Variants in NOP58 observed in about 807,000 individuals in gnomAD.
NOP58 encodes the protein NOP58 ribonucleoprotein.
NOP58 carries 44 observed loss-of-function variants against 71.2 expected under a neutral mutation model. That is an observed-to-expected ratio of 0.62 (90% CI 0.49 to 0.79). The LOEUF (loss-of-function observed/expected upper bound fraction) is 0.79, where lower values mean the gene tolerates loss of function less well. Ranked by LOEUF, NOP58 falls within the 30% of genes least tolerant of loss-of-function variation. NOP58 has a pLI of 0.00. For missense variants in NOP58, 538 were observed against 620.2 expected, an observed-to-expected ratio of 0.87 and a Z score of 1.41; for synonymous variants, 228 against 200.3, an observed-to-expected ratio of 1.14 and a Z score of -1.17.
In NOP58 at chr2:202,281,637, G is replaced by A. The variant is rs74994327; in HGVS notation, c.176-714G>A. ...GTATTTTTAGTAGAGACAGGGTTTC[G>A]CCGTGTTGGCCAGGCTGGTGGTACA... On this transcript the variant is annotated intron_variant, in intron 3 of 14. Transcript: ENST00000264279. 1.2e-3 allele frequency among the ~76,000 whole-genome samples: 187 copies of A among 152,194 alleles called. 2 individuals are homozygous for A. The East Asian group carries it at 0.028, about 23-fold the overall frequency.
intron 6 of NOP58, 79 bp from the exon 7 acceptor site, chr2:202,290,244 G>A (rs2105849952): frequency 6.6e-6 from 8 of 1,207,818 alleles, no homozygotes; most frequent in Non-Finnish European, 9.2e-6. Flanking sequence ...CCAGCCTGAA[G>A]TGTTAAATTT....
At chr2:202,284,570 T>G (rs1368708223) in intron 5 of NOP58, 89 bp downstream of exon 5, 19 of 1,348,448 alleles carry the variant, frequency 1.4e-5, no homozygotes, top group Admixed American at 2.0e-5. Flanking sequence ...AAATGCTCAT[T>G]TGAACCACAT....
chr2:202,297,773 C>A, intron 11 of NOP58, 72 bp from the exon 12 acceptor site: 2 of 949,360 alleles, frequency 2.1e-6, no homozygotes, highest in Non-Finnish European at 1.6e-6. Context: ...CACTGATTCA[C>A]TAGACTGTAT....
chr2:202,293,871 G>A (rs1054231844), intron 9 of NOP58, among the ~76,000 whole-genome samples: 4 of 151,514 alleles, frequency 2.6e-5, no homozygotes, highest in Non-Finnish European at 5.9e-5. Context: ...CACTGCGCCC[G>A]GCCTGGCGTA....
intron 1 of NOP58, among the ~76,000 whole-genome samples, chr2:202,273,922 A>G (rs138758738): frequency 0.1 from 15,359 of 151,202 alleles, 946 homozygotes; most frequent in South Asian, 0.23. Context: ...CAGCCTGGCG[A>G]CAGAGTGAGA....
intron 1 of NOP58, among the ~76,000 whole-genome samples, chr2:202,272,400 C>T (rs187225997): frequency 6.6e-6 from 1 of 151,992 alleles, no homozygotes; most frequent in African/African-American, 2.4e-5. Context: ...GTGATTCGCC[C>T]GCCTCAGCCT....
intron 12 of NOP58, 89 bp from the exon 13 acceptor site, chr2:202,300,145 T>G: frequency 9.0e-7 from 1 of 1,115,932 alleles, no homozygotes; most frequent in Non-Finnish European, 1.3e-6. Context: ...TATGTAAGTA[T>G]TATCTAATGG....
At chr2:202,299,108 C>T (rs1474685016) in intron 12 of NOP58, among the ~76,000 whole-genome samples, 1 of 151,850 alleles carries the variant, frequency 6.6e-6, no homozygotes, top group Non-Finnish European at 1.5e-5. Flanking sequence ...TACAGGCATA[C>T]ACCACCACAT....
At chr2:202,294,131 A>T (rs1487190406) in intron 9 of NOP58, among the ~76,000 whole-genome samples, 2 of 151,800 alleles carry the variant, frequency 1.3e-5, no homozygotes, top group African/African-American at 4.8e-5. Context: ...CCTGGCCAAC[A>T]TGGTAAATAA....
rs745811674 is a variant in NOP58 at position 202,297,906 on chromosome 2, G to A, written c.1268G>A (p.Ser423Asn). ...LAKTEKYEHK[S>N]EVKTYDPSGD... ...AAAACAGAAAAATATGAACACAAAA[G>A]GTGAGTACATTTAAGTGAGGATGGG... Residue 423 changes from serine to asparagine, a missense_variant and splice_region_variant, in exon 12 of 15, where the codon AGT becomes AAT. Ser to Asn is a conservative substitution (Grantham distance 46). Coordinates refer to ENST00000264279, the MANE Select transcript of NOP58 (RefSeq NM_015934.5). The A allele has an allele frequency of 2.6e-6, 4 of 1,567,888 alleles. No homozygotes were observed. The South Asian group carries it at 3.5e-5, about 14-fold the overall frequency.
chr2:202,284,153 T>A (rs1293605955), intron 4 of NOP58, among the ~76,000 whole-genome samples, 192 bp from the exon 5 acceptor site: 1 of 152,026 alleles, frequency 6.6e-6, no homozygotes, highest in Admixed American at 6.6e-5. Flanking sequence ...TGGTGGCTCA[T>A]GCCTGCAATA....
rs1041027680 is a variant in NOP58 at position 202,284,174 on chromosome 2, G to A, written c.298-171G>A. On this transcript the variant is annotated intron_variant, in intron 4 of 14. Transcript: ENST00000264279. ...CTCATGCCTGCAATAATCCCAGGCC[G>A]AGACAGGAGAATCTCTTGAACCCAG... 2.2e-4 allele frequency among the ~76,000 whole-genome samples: 33 copies of A among 152,188 alleles called. No individual in the cohort carries two copies. In the South Asian group the frequency reaches 2.7e-3, roughly 12 times the overall value.
chr2:202,276,432 T>A (rs781270152), intron 2 of NOP58: 2 of 509,396 alleles, frequency 3.9e-6, no homozygotes, highest in African/African-American at 3.9e-5. Flanking sequence ...TTAATCTGAT[T>A]CGTTGTTGTC....
intron 11 of NOP58, 147 bp from the exon 12 acceptor site, chr2:202,297,698 T>G: frequency 1.2e-6 from 1 of 803,018 alleles, no homozygotes; most frequent in Non-Finnish European, 1.9e-6. Flanking sequence ...CAACTGCATT[T>G]GCCATTAGGA....
At chr2:202,276,349 A>C (rs1688589459) in intron 2 of NOP58, 1 of 296,766 alleles carries the variant, frequency 3.4e-6, no homozygotes, top group African/African-American at 2.2e-5. Context: ...CCAAAAAAAA[A>C]AAAAAAGATG....
intron 6 of NOP58, among the ~76,000 whole-genome samples, chr2:202,289,981 A>G (rs150347154): frequency 9.9e-4 from 151 of 152,034 alleles, no homozygotes; most frequent in Non-Finnish European, 1.5e-3. Flanking sequence ...TTGCGACGGA[A>G]TCTTGCTCTG....
chr2:202,303,475 A>G lies in NOP58; in HGVS notation c.*39A>G. ...CGATTATATCACCCGGACACACATC[A>G]TGCTTAAGATTCAACTGGGAGCATA... On this transcript the variant is annotated 3_prime_UTR_variant, in exon 15 of 15. Coordinates refer to ENST00000264279, the MANE Select transcript of NOP58 (RefSeq NM_015934.5). The G allele has an allele frequency of 1.3e-6, 2 of 1,584,868 alleles. No homozygotes were observed. Among genetic ancestry groups the G allele is most frequent in the Non-Finnish European group, 1.7e-6 (2 of 1,164,560 alleles).
chr2:202,292,832 T>C lies in NOP58; in HGVS notation c.836T>C (p.Met279Thr). Reference protein sequence around the residue: ...TQLYEYLQNRMMAIAPNVTVM... With the variant: ...TQLYEYLQNRTMAIAPNVTVM... ...CTCTATGAATATCTACAAAATCGAA[T>C]GATGGCCATTGCACCCAATGTTACA... The change falls in exon 9 of 15, where the codon ATG (methionine) becomes ACG (threonine). Residue 279 changes from methionine to threonine, a missense_variant. Met to Thr is a moderately conservative substitution (Grantham distance 81). Coordinates refer to ENST00000264279, the MANE Select transcript of NOP58 (RefSeq NM_015934.5). 1 of 1,613,176 alleles carries C rather than the reference T, an allele frequency of 6.2e-7. No individual in the cohort carries two copies.
intron 1 of NOP58, among the ~76,000 whole-genome samples, chr2:202,273,680 C>CA (rs1271656871): frequency 6.6e-6 from 1 of 152,198 alleles, no homozygotes; most frequent in Non-Finnish European, 1.5e-5. Context: ...TGTTGGCTCA[C>CA]GCCTGTAATC....
Sources: allele counts gnomAD v4.1 joint callset (sites outside exome capture counted in the v4.1 genomes callset), GRCh38; gene constraint gnomAD v4.1.1; transcripts MANE v1.5; gene names NCBI Gene and HGNC (gene_info 2026-07-23, HGNC 2026-07-21).